Variants in GRM7 observed in about 807,000 individuals in gnomAD.
GRM7 encodes metabotropic glutamate receptor 7.
In GRM7, 35 loss-of-function variants were observed where a neutral mutation model predicts 84.5. That is an observed-to-expected ratio of 0.41 (90% CI 0.32 to 0.55). The LOEUF (loss-of-function observed/expected upper bound fraction) is 0.55. GRM7 is among the 20% of genes least tolerant of loss of function. GRM7 has a pLI of 0.19. For missense variants in GRM7, 1,003 were observed against 1,194.6 expected, an observed-to-expected ratio of 0.84 and a Z score of 2.36; for synonymous variants, 487 against 455.1, an observed-to-expected ratio of 1.07 and a Z score of -0.89.
intron 4 of GRM7, among the ~76,000 whole-genome samples, chr3:7,388,970 G>C (rs1694889901): frequency 6.6e-6 from 1 of 152,032 alleles, no homozygotes; most frequent in African/African-American, 2.4e-5. Flanking sequence ...TGTGAATTTA[G>C]GTTGTCAGTT....
chr3:7,494,756 T>C (rs923322608), intron 7 of GRM7, among the ~76,000 whole-genome samples: 1 of 152,222 alleles, frequency 6.6e-6, no homozygotes, highest in Admixed American at 6.5e-5. Context: ...TTTATTGTTA[T>C]CATTGTAATT....
At chr3:6,997,195 A>G (rs1325184503) in intron 1 of GRM7, among the ~76,000 whole-genome samples, 2 of 152,046 alleles carry the variant, frequency 1.3e-5, no homozygotes, top group African/African-American at 4.8e-5. Flanking sequence ...GCTACATTCA[A>G]TAATTAATAT....
At chr3:7,127,233 C>G (rs939510369) in intron 1 of GRM7, among the ~76,000 whole-genome samples, 2 of 152,206 alleles carry the variant, frequency 1.3e-5, no homozygotes, top group Non-Finnish European at 2.9e-5. Flanking sequence ...CAGCGTCACA[C>G]CTTTCTCTCC....
At chr3:6,920,668 G>A (rs1697094385) in intron 1 of GRM7, among the ~76,000 whole-genome samples, 1 of 152,064 alleles carries the variant, frequency 6.6e-6, no homozygotes, top group African/African-American at 2.4e-5. Context: ...GAGTTGCCCA[G>A]TTAAATCCCC....
At chr3:6,875,717 C>T (rs896564843) in intron 1 of GRM7, among the ~76,000 whole-genome samples, 1 of 152,090 alleles carries the variant, frequency 6.6e-6, no homozygotes, top group Non-Finnish European at 1.5e-5. Flanking sequence ...GTTGACTTAT[C>T]CATTTACAAA....
chr3:7,303,929 G>GT (rs1700096423), intron 3 of GRM7, among the ~76,000 whole-genome samples: 2 of 119,764 alleles, frequency 1.7e-5, no homozygotes. Context: ...ATATCCTGTA[G>GT]CTTCTTTTTT....
intron 2 of GRM7, among the ~76,000 whole-genome samples, chr3:7,217,473 A>T (rs923526924): frequency 6.6e-6 from 1 of 152,312 alleles, no homozygotes; most frequent in African/African-American, 2.4e-5. Flanking sequence ...AGGAAAAAAA[A>T]TTACCAAGGC....
chr3:7,311,890 C>T (rs978476215), intron 4 of GRM7, among the ~76,000 whole-genome samples: 60 of 152,254 alleles, frequency 3.9e-4, no homozygotes, highest in African/African-American at 1.2e-3. Flanking sequence ...CCACTGCACC[C>T]GGCCTCAACA....
chr3:7,154,608 G>C (rs991936777), intron 2 of GRM7, among the ~76,000 whole-genome samples: 27 of 152,026 alleles, frequency 1.8e-4, no homozygotes, highest in African/African-American at 6.5e-4. Context: ...CTGGCAGAGA[G>C]GTTAAAGATG....
At chr3:7,619,131 G>A (rs140817892) in intron 8 of GRM7, among the ~76,000 whole-genome samples, 343 of 152,070 alleles carry the variant, frequency 2.3e-3, no homozygotes, top group Non-Finnish European at 4.0e-3. Context: ...TATTTTAGTC[G>A]GCCCATTTTG....
chr3:7,679,621 A>C (rs1343218547), intron 8 of GRM7, among the ~76,000 whole-genome samples: 12 of 152,224 alleles, frequency 7.9e-5, no homozygotes, highest in Admixed American at 7.9e-4. Flanking sequence ...ACTTCTCAAA[A>C]GGCCCCAGAA....
At chr3:7,334,679 C>G (rs1002222691) in intron 4 of GRM7, among the ~76,000 whole-genome samples, 2 of 152,062 alleles carry the variant, frequency 1.3e-5, no homozygotes, top group Non-Finnish European at 2.9e-5. Context: ...AGAGACTCAT[C>G]TAGCACATAA....
intron 1 of GRM7, among the ~76,000 whole-genome samples, chr3:7,039,430 T>C (rs1457813516): frequency 6.6e-6 from 1 of 152,208 alleles, no homozygotes. Flanking sequence ...TCTAATGAAG[T>C]GCACAGAGGT....
chr3:7,688,828 G>A (rs1460045138), intron 9 of GRM7, among the ~76,000 whole-genome samples: 1 of 152,102 alleles, frequency 6.6e-6, no homozygotes, highest in African/African-American at 2.4e-5. Context: ...TTGCTTACAG[G>A]GATTTGAAGG....
chr3:7,713,547 A>C (rs577114071), intron 9 of GRM7, among the ~76,000 whole-genome samples: 2 of 152,154 alleles, frequency 1.3e-5, no homozygotes, highest in South Asian at 4.1e-4. Flanking sequence ...ATGAGTGTAA[A>C]TCCAGGTTCT....
chr3:7,023,400 G>A (rs75802779), intron 1 of GRM7, among the ~76,000 whole-genome samples: 2,285 of 152,168 alleles, frequency 0.015, 57 homozygotes, highest in African/African-American at 0.051. Flanking sequence ...CCTTGGTTCT[G>A]AGGCTTACTT....
rs202139296 is a variant in GRM7, at chr3:7,550,192, CA to C, written c.1516-28221del. Among the ~76,000 whole-genome samples the C allele has an allele frequency of 2.8e-4, 42 of 149,032 alleles. No homozygotes were observed. In the East Asian group the frequency reaches 3.9e-3, roughly 14 times the overall value. ...AAGAATTGGGTAACTGCCCAGAGGC[CA>C]AAAAAAAACCTAAAAGGTAGAAAGC... On this transcript the variant is annotated intron_variant, in intron 7 of 9. Coordinates refer to ENST00000357716, the MANE Select transcript of GRM7 (RefSeq NM_000844.4).
intron 9 of GRM7, among the ~76,000 whole-genome samples, chr3:7,691,551 G>A (rs1700799888): frequency 6.6e-6 from 1 of 152,174 alleles, no homozygotes; most frequent in Non-Finnish European, 1.5e-5. Flanking sequence ...CATGGAGGTG[G>A]CATGAGATTC....
At chr3:7,641,869 C>T (rs1363846397) in intron 8 of GRM7, among the ~76,000 whole-genome samples, 5 of 151,958 alleles carry the variant, frequency 3.3e-5, no homozygotes, top group African/African-American at 9.7e-5. Context: ...TCTACATTGT[C>T]GTTTTGTTTT....
Sources: gnomAD v4.1 joint callset for allele counts (sites outside exome capture counted in the v4.1 genomes callset) on GRCh38, gnomAD v4.1.1 for gene constraint, MANE v1.5 for transcripts, NCBI Gene and HGNC (gene_info 2026-07-23, HGNC 2026-07-21) for gene names.